Variants in RFX3 observed in about 807,000 individuals in gnomAD.
RFX3 encodes regulatory factor X3, also known as transcription factor RFX3.
A neutral mutation model predicts 98.6 loss-of-function variants in RFX3; 14 were observed. The ratio of observed to expected loss-of-function variants is 0.14; its 90% CI spans 0.09 to 0.22. The LOEUF is 0.22. Ranked by LOEUF, RFX3 falls within the 10% of genes least tolerant of loss-of-function variation. RFX3 has a pLI of 1.00. For synonymous variants in RFX3, 383 were observed against 328.4 expected (o/e 1.17, Z -1.80); for missense variants, 639 against 926.9 (o/e 0.69, Z 4.03).
chr9:3,486,740 A>G (rs761075174), intron 1 of RFX3, among the ~76,000 whole-genome samples: 2 of 152,226 alleles, frequency 1.3e-5, no homozygotes, highest in Admixed American at 6.5e-5. Flanking sequence ...GTAGAATGCT[A>G]TGATTTGAGT....
At chr9:3,404,639 A>T (rs137935678) in intron 1 of RFX3, among the ~76,000 whole-genome samples, 49 of 152,280 alleles carry the variant, frequency 3.2e-4, no homozygotes, top group Non-Finnish European at 5.3e-4. Context: ...AATATCCTTA[A>T]CTAGGTTTAT....
rs1817260989 is a variant in RFX3 at position 3,220,064 on chromosome 9, C to A, written c.*4978G>T. 1 of 152,180 alleles carries A rather than the reference C, an allele frequency of 6.6e-6. No homozygotes were observed. Among genetic ancestry groups the A allele is most frequent in the Non-Finnish European group, 1.5e-5 (1 of 68,036 alleles). The allele number at this position is 152,180 out of a possible 1,614,324, so 9.4% of individuals were successfully genotyped here. ...TCAGAAGCAGTAGTCATAGCATCTCCTGACAGATGAGCTTAAAATCAAGTG... is the reference window on the plus strand; with the variant it reads ...TCAGAAGCAGTAGTCATAGCATCTCATGACAGATGAGCTTAAAATCAAGTG... On this transcript the variant is annotated 3_prime_UTR_variant, in exon 17 of 17. Transcript: ENST00000617270.
chr9:3,245,606 G>T (rs1400392643), intron 15 of RFX3, among the ~76,000 whole-genome samples: 1 of 152,146 alleles, frequency 6.6e-6, no homozygotes, highest in Non-Finnish European at 1.5e-5. Context: ...AAAAAAGAAT[G>T]CTCACGTGTC....
chr9:3,390,888 C>T (rs536282011), intron 2 of RFX3, among the ~76,000 whole-genome samples: 1 of 152,130 alleles, frequency 6.6e-6, no homozygotes, highest in African/African-American at 2.4e-5. Flanking sequence ...TGGACTAATA[C>T]ACTCATCATT....
intron 1 of RFX3, among the ~76,000 whole-genome samples, chr9:3,467,911 G>A (rs144379985): frequency 5.1e-4 from 77 of 152,260 alleles, no homozygotes; most frequent in African/African-American, 1.9e-3. Flanking sequence ...AGAGCATCAT[G>A]CAGCAGCAAT....
At chr9:3,519,389 A>G (rs1818483607) in intron 1 of RFX3, among the ~76,000 whole-genome samples, 1 of 152,196 alleles carries the variant, frequency 6.6e-6, no homozygotes, top group African/African-American at 2.4e-5. Context: ...ATTGGTAAGC[A>G]AAGTCTTTCA....
intron 15 of RFX3, chr9:3,247,731 TA>T (rs1343154924): frequency 5.9e-6 from 9 of 1,533,240 alleles, no homozygotes; most frequent in South Asian, 3.7e-5. Context: ...TTTTCCCACT[TA>T]AAATATTTTT....
intron 2 of RFX3, among the ~76,000 whole-genome samples, chr9:3,357,662 A>C (rs1835934468): frequency 6.6e-6 from 1 of 152,008 alleles, no homozygotes; most frequent in African/African-American, 2.4e-5. Context: ...AAAAGTAGTA[A>C]GTTCTAGTAT....
In RFX3 at chr9:3,297,162, T is replaced by C. The variant is rs1468948662; in HGVS notation, c.550-3904A>G. Among the ~76,000 whole-genome samples the C allele has an allele frequency of 2.0e-5, 3 of 152,236 alleles. No individual in the cohort carries two copies. The East Asian group carries it at 5.8e-4, about 29-fold the overall frequency. Reference sequence around the variant, plus strand: ...CTTGGGTTTTGTCTTTAATACAATGTATTTGGACATTAGTATTCCCCAATC... The same window carrying C: ...CTTGGGTTTTGTCTTTAATACAATGCATTTGGACATTAGTATTCCCCAATC... On this transcript the variant is annotated intron_variant, in intron 5 of 16. Transcript: ENST00000617270.
chr9:3,472,165 T>G (rs1007762029), intron 1 of RFX3, among the ~76,000 whole-genome samples: 1 of 152,230 alleles, frequency 6.6e-6, no homozygotes, highest in African/African-American at 2.4e-5. Context: ...AGTTATTGAA[T>G]GTTATCTCTG....
intron 1 of RFX3, among the ~76,000 whole-genome samples, chr9:3,413,978 T>C (rs1404415724): frequency 3.9e-5 from 6 of 152,098 alleles, no homozygotes; most frequent in African/African-American, 1.4e-4. Context: ...CCTCCTCTGT[T>C]ACATCCAATT....
intron 1 of RFX3, among the ~76,000 whole-genome samples, chr9:3,485,452 A>G (rs1249472546): frequency 6.6e-6 from 1 of 152,224 alleles, no homozygotes; most frequent in Non-Finnish European, 1.5e-5. Flanking sequence ...AGTCAAACTC[A>G]GGTTTGACTC....
intron 13 of RFX3, among the ~76,000 whole-genome samples, chr9:3,259,810 G>A (rs1015257086): frequency 6.6e-6 from 1 of 151,996 alleles, no homozygotes; most frequent in Non-Finnish European, 1.5e-5. Context: ...AGTGATATAT[G>A]GATATCCTGA....
intron 3 of RFX3, 74 bp from the exon 4 acceptor site, chr9:3,330,591 G>A: frequency 7.3e-7 from 1 of 1,377,146 alleles, no homozygotes; most frequent in Non-Finnish European, 9.9e-7. Context: ...TAATATGAAT[G>A]TAATTGAAAT....
At chr9:3,247,402 A>AT (rs1411586958) in intron 15 of RFX3, 1 of 876,362 alleles carries the variant, frequency 1.1e-6, no homozygotes, top group Admixed American at 5.9e-5. Context: ...AATCTCTACC[A>AT]TTTTTTAGCT....
At chr9:3,495,561 A>G (rs781625413) in intron 1 of RFX3, among the ~76,000 whole-genome samples, 10 of 152,080 alleles carry the variant, frequency 6.6e-5, no homozygotes, top group Non-Finnish European at 1.5e-4. Context: ...AAAATGATTA[A>G]CTTAAAATGT....
chr9:3,509,977 A>T (rs1311287139), intron 1 of RFX3, among the ~76,000 whole-genome samples: 1 of 151,998 alleles, frequency 6.6e-6, no homozygotes, highest in Non-Finnish European at 1.5e-5. Flanking sequence ...TCCCAAGTCC[A>T]TTCCAACTAA....
chr9:3,480,470 G>A (rs1373914314), intron 1 of RFX3, among the ~76,000 whole-genome samples: 2 of 152,144 alleles, frequency 1.3e-5, no homozygotes, highest in Non-Finnish European at 2.9e-5. Context: ...CAAGCTACAG[G>A]CCCAACCCAA....
chr9:3,304,656 G>T (rs536354433), intron 4 of RFX3, among the ~76,000 whole-genome samples: 32 of 152,024 alleles, frequency 2.1e-4, no homozygotes, highest in African/African-American at 3.9e-4. Context: ...CTTTATAAAG[G>T]GTTTCCCCTT....
Sources: gnomAD v4.1 joint callset for allele counts (sites outside exome capture counted in the v4.1 genomes callset) on GRCh38, gnomAD v4.1.1 for gene constraint, MANE v1.5 for transcripts, NCBI Gene and HGNC (gene_info 2026-07-23, HGNC 2026-07-21) for gene names.